The following CNTN6 variants were observed in gnomAD, a reference collection of about 807,000 sequenced individuals.
CNTN6 encodes contactin-6.
A neutral mutation model predicts 122.8 loss-of-function variants in CNTN6; 137 were observed. The ratio of observed to expected loss-of-function variants is 1.12; its 90% CI spans 0.97 to 1.29. The LOEUF is 1.29. CNTN6 is among the 50% of genes most tolerant of loss of function. CNTN6 has a pLI of 0.00. For missense variants in CNTN6, 1,634 were observed against 1,223.4 expected (o/e 1.34, Z -5.01); for synonymous variants, 570 against 426.0 (o/e 1.34, Z -4.16).
intron 3 of CNTN6, 64 bp downstream of exon 3, chr3:1,220,877 A>G: frequency 6.7e-7 from 1 of 1,488,890 alleles, no homozygotes; most frequent in Non-Finnish European, 9.0e-7. Context: ...AACATACACA[A>G]AATAAAGTGT....
At chr3:1,111,643 G>T (rs2091484972) in intron 1 of CNTN6, among the ~76,000 whole-genome samples, 1 of 152,158 alleles carries the variant, frequency 6.6e-6, no homozygotes, top group Non-Finnish European at 1.5e-5. Flanking sequence ...AAACAGTGAT[G>T]CTCAACATCT....
chr3:1,175,222 C>CAAAA (rs61606722), intron 2 of CNTN6, among the ~76,000 whole-genome samples: 16 of 76,796 alleles, frequency 2.1e-4, no homozygotes, highest in Non-Finnish European at 2.7e-4. Flanking sequence ...GACTTTGTCT[C>CAAAA]AAAAAAAAAA....
chr3:1,158,821 C>CAGATATATAT (rs1559421710), intron 2 of CNTN6, among the ~76,000 whole-genome samples: 1 of 27,252 alleles, frequency 3.7e-5, no homozygotes, highest in Non-Finnish European at 9.6e-5. Flanking sequence ...TATATACACA[C>CAGATATATAT]ACATATATAT....
chr3:1,372,355 AT>A lies in CNTN6; in HGVS notation c.1550del (p.Ile517LysfsTer26). 1 of 1,613,524 alleles carries A rather than the reference AT, an allele frequency of 6.2e-7. No homozygotes were observed. Among genetic ancestry groups the A allele is most frequent in the Non-Finnish European group, 8.5e-7 (1 of 1,179,648 alleles). ...AATGGATGTTACAGTTGGCGAGAGT[AT>A]AGTGCTACCATGCCAGGTGTCCCAT... ...SKMDVTVGES[I>X]VLPCQVSHDP... On this transcript the variant is annotated frameshift_variant, in exon 13 of 23. Coordinates refer to ENST00000446702, the MANE Select transcript of CNTN6 (RefSeq NM_001289080.2). LOFTEE classifies it high-confidence loss of function.
At chr3:1,242,926 C>T (rs1403498037) in intron 4 of CNTN6, among the ~76,000 whole-genome samples, 7 of 141,030 alleles carry the variant, frequency 5.0e-5, no homozygotes, top group African/African-American at 2.0e-4. Context: ...GGGAAACAGG[C>T]CCTTGAAAAG....
chr3:1,251,412 G>A (rs114015670), intron 4 of CNTN6, among the ~76,000 whole-genome samples: 27 of 152,132 alleles, frequency 1.8e-4, no homozygotes, highest in Admixed American at 3.9e-4. Context: ...CTCCTGCTTC[G>A]TCTTGTCATT....
intron 5 of CNTN6, among the ~76,000 whole-genome samples, chr3:1,283,596 A>G (rs1294231090): frequency 1.3e-5 from 2 of 152,216 alleles, no homozygotes; most frequent in African/African-American, 4.8e-5. Flanking sequence ...AAAATGACAG[A>G]ATGAAGCAAC....
chr3:1,096,602 T>C (rs188149630), intron 1 of CNTN6, among the ~76,000 whole-genome samples: 38 of 152,350 alleles, frequency 2.5e-4, no homozygotes, highest in African/African-American at 8.2e-4. Flanking sequence ...GAATGAATAG[T>C]ATAGCTTGCA....
intron 4 of CNTN6, among the ~76,000 whole-genome samples, chr3:1,249,640 G>A (rs757127824): frequency 2.0e-5 from 3 of 152,112 alleles, no homozygotes; most frequent in Non-Finnish European, 4.4e-5. Flanking sequence ...TGAGAATTGT[G>A]CGGTTGAGAG....
At chr3:1,134,820 C>G (rs2092431329) in intron 1 of CNTN6, among the ~76,000 whole-genome samples, 1 of 151,982 alleles carries the variant, frequency 6.6e-6, no homozygotes, top group South Asian at 2.1e-4. Flanking sequence ...AACATGAATT[C>G]CAGATATTGG....
Position 1,297,936 on chromosome 3 carries a change from A to G in CNTN6, c.706A>G (p.Thr236Ala). 6.2e-7 allele frequency: 1 copy of G among 1,612,990 alleles called. No individual in the cohort carries two copies. Among genetic ancestry groups the G allele is most frequent in the East Asian group, 2.2e-5 (1 of 44,814 alleles). The stretch of plus-strand genomic sequence containing the variant: ...AAAGATTGAAGTGCGTTTTCCTGAA[A>G]CTATACAAGCTGCAAAGGATTCATC... ...EPKIEVRFPE[T>A]IQAAKDSSVK... is the part of the protein sequence containing the mutation. Residue 236 changes from threonine to alanine, a missense_variant, in exon 7 of 23, where the codon ACT (threonine) becomes GCT (alanine). By Grantham distance (58) the Thr-to-Ala change is moderately conservative. Transcript: ENST00000446702.
At chr3:1,383,888 T>A (rs1396244761) in intron 19 of CNTN6, among the ~76,000 whole-genome samples, 1 of 145,444 alleles carries the variant, frequency 6.9e-6, no homozygotes, top group Non-Finnish European at 1.5e-5. Flanking sequence ...TAGAAAGGGA[T>A]GGTAACTTCC....
chr3:1,315,797 A>C (rs868105775), intron 7 of CNTN6, among the ~76,000 whole-genome samples: 1 of 151,164 alleles, frequency 6.6e-6, no homozygotes. Context: ...AGTGAACATG[A>C]CTACTATGAT....
chr3:1,220,575 G>T (rs2094193506), intron 2 of CNTN6, 112 bp from the exon 3 acceptor site: 2 of 978,074 alleles, frequency 2.0e-6, no homozygotes, highest in African/African-American at 1.7e-5. Context: ...ATTTGAGATT[G>T]TTTTAAAATA....
intron 4 of CNTN6, among the ~76,000 whole-genome samples, chr3:1,269,519 A>T (rs1559662727): frequency 6.6e-6 from 1 of 152,170 alleles, no homozygotes; most frequent in Non-Finnish European, 1.5e-5. Flanking sequence ...GCTTAGTAAG[A>T]AGCGAGTTTG....
chr3:1,252,984 T>C (rs1217624959), intron 4 of CNTN6, among the ~76,000 whole-genome samples: 1 of 152,214 alleles, frequency 6.6e-6, no homozygotes, highest in East Asian at 1.9e-4. Flanking sequence ...GTCAGAATGC[T>C]TAATTTCTGC....
In CNTN6 at chr3:1,384,076, ATAG is replaced by A. The variant is rs148968623; in HGVS notation, c.2517+672_2517+674del. ...TAATTCAAAGCAAACAAATTAACAC[ATAG>A]TAGCCATTTTTAAAGGCATACAGAT... is the stretch of plus-strand genomic sequence containing the variant. On this transcript the variant is annotated intron_variant, in intron 19 of 22. Transcript: ENST00000446702. Among the ~76,000 whole-genome samples the A allele has an allele frequency of 9.0e-3, 1,374 of 152,346 alleles. 17 individuals are homozygous for A. The highest frequency in any genetic ancestry group is 0.027 in the African/African-American group (1,139 of 41,584).
chr3:1,163,616 C>G (rs2125256855), intron 2 of CNTN6, among the ~76,000 whole-genome samples: 1 of 152,264 alleles, frequency 6.6e-6, no homozygotes, highest in African/African-American at 2.4e-5. Flanking sequence ...TGAGGTTTTG[C>G]TATGCTGCCC....
chr3:1,263,864 C>T (rs17036856), intron 4 of CNTN6, among the ~76,000 whole-genome samples: 4,892 of 151,454 alleles, frequency 0.032, 248 homozygotes, highest in African/African-American at 0.11. Context: ...GGAACTGCTA[C>T]GTTAGATTGG....
Sources: gnomAD v4.1 joint callset for allele counts (sites outside exome capture counted in the v4.1 genomes callset) on GRCh38, gnomAD v4.1.1 for gene constraint, MANE v1.5 for transcripts, NCBI Gene and HGNC (gene_info 2026-07-23, HGNC 2026-07-21) for gene names.